The following PPP2R2C variants were observed in gnomAD, a reference collection of about 807,000 sequenced individuals.
PPP2R2C encodes protein phosphatase 2 regulatory subunit Bgamma, also known as protein phosphatase 2, regulatory subunit B, gamma.
In PPP2R2C, 10 loss-of-function variants were observed where a neutral mutation model predicts 45.3. The ratio of observed to expected loss-of-function variants is 0.22; its 90% CI spans 0.14 to 0.37. The LOEUF is 0.37. Among genes scored for constraint, PPP2R2C ranks in the 10% least tolerant of loss-of-function variants. The probability of loss-of-function intolerance (pLI) is 1.00; values close to 1 mark genes in which losing one functional copy is unlikely to be tolerated. For synonymous variants in PPP2R2C, 257 were observed against 245.4 expected, an observed-to-expected ratio of 1.05 and a Z score of -0.44; for missense variants, 308 against 619.7, an observed-to-expected ratio of 0.50 and a Z score of 5.34.
rs1369711354 is a variant in PPP2R2C, at chr4:6,323,279, C to T, written c.*23G>A. 6.4e-7 allele frequency: 1 copy of T among 1,565,956 alleles called. No homozygotes were observed. Among genetic ancestry groups the T allele is most frequent in the Non-Finnish European group, 8.7e-7 (1 of 1,148,434 alleles). On this transcript the variant is annotated 3_prime_UTR_variant, in exon 9 of 9. Coordinates refer to ENST00000382599, the MANE Select transcript of PPP2R2C (RefSeq NM_020416.4). ...GGATGACTTGCATGAGGCTGGGTGG[C>T]AGGGGCCGGGAACTGCACATACCTA...
intron 1 of PPP2R2C, among the ~76,000 whole-genome samples, chr4:6,461,219 G>A (rs981355420): frequency 2.6e-5 from 4 of 152,224 alleles, no homozygotes; most frequent in African/African-American, 9.7e-5. Flanking sequence ...TGTGGACACT[G>A]AAGCAGGGAG....
chr4:6,512,276 G>C (rs796842547), intron 2 of PPP2R2C, among the ~76,000 whole-genome samples: 11 of 18,526 alleles, frequency 5.9e-4, no homozygotes, highest in Admixed American at 2.5e-3. Flanking sequence ...GTGATGGTGG[G>C]GGTGGTGGTG....
At chr4:6,509,486 T>A (rs1205472083) in intron 2 of PPP2R2C, among the ~76,000 whole-genome samples, 7 of 149,474 alleles carry the variant, frequency 4.7e-5, no homozygotes, top group Non-Finnish European at 7.4e-5. Flanking sequence ...AAAAAAAAAA[T>A]AAATAAATAA....
intron 2 of PPP2R2C, among the ~76,000 whole-genome samples, chr4:6,529,906 C>T (rs994768573): frequency 6.6e-6 from 1 of 152,124 alleles, no homozygotes; most frequent in Non-Finnish European, 1.5e-5. Flanking sequence ...TGGGAGGGGA[C>T]AGCAGCGAAT....
intron 5 of PPP2R2C, chr4:6,350,539 A>G: frequency 1.0e-6 from 1 of 985,418 alleles, no homozygotes; most frequent in Non-Finnish European, 1.2e-6. Flanking sequence ...TGTTTGCGTC[A>G]TCAGGACACT....
At chr4:6,412,033 C>T (rs1718233397) in intron 1 of PPP2R2C, among the ~76,000 whole-genome samples, 1 of 152,186 alleles carries the variant, frequency 6.6e-6, no homozygotes, top group Non-Finnish European at 1.5e-5. Flanking sequence ...ATGAGCTCCT[C>T]AGAGCTAGTT....
chr4:6,372,748 A>G (rs929275795), intron 4 of PPP2R2C, 48 bp from the exon 5 acceptor site: 6 of 1,580,258 alleles, frequency 3.8e-6, no homozygotes, highest in Non-Finnish European at 4.3e-6. Context: ...AGGTGGTGGC[A>G]TCAGGACATA....
rs1732502323 is a variant in PPP2R2C, at chr4:6,332,675, T to G, written c.960+887A>C. ...GACACCTCCCTCATCTCCCTACCTC[T>G]CAGTGCCCGAGTTCCCTTTCCACCA... On this transcript the variant is annotated intron_variant, in intron 7 of 8. Transcript: ENST00000382599. The surrounding 1 kb of genome is among the most constrained non-coding windows in gnomAD (Gnocchi z 4.9). 6.6e-6 allele frequency among the ~76,000 whole-genome samples: 1 copy of G among 151,968 alleles called. No individual in the cohort carries two copies. Among genetic ancestry groups the G allele is most frequent in the African/African-American group, 2.4e-5 (1 of 41,356 alleles).
chr4:6,448,366 T>C (rs993954294), intron 1 of PPP2R2C, among the ~76,000 whole-genome samples: 10 of 152,060 alleles, frequency 6.6e-5, no homozygotes, highest in African/African-American at 1.4e-4. Context: ...GAGAGGGGTA[T>C]TGGAGCGGGA....
chr4:6,346,353 G>T (rs891884735), intron 6 of PPP2R2C, among the ~76,000 whole-genome samples: 3 of 152,128 alleles, frequency 2.0e-5, no homozygotes, highest in Non-Finnish European at 2.9e-5. Context: ...CCTCCTTCTC[G>T]AACATTCTTC....
At chr4:6,348,361 C>G (rs766750277) in intron 5 of PPP2R2C, among the ~76,000 whole-genome samples, 7 of 151,732 alleles carry the variant, frequency 4.6e-5, no homozygotes, top group Non-Finnish European at 8.8e-5. Context: ...CTTCCTTCCC[C>G]TGTTGGTTGC....
chr4:6,410,381 C>T (rs982302183), intron 1 of PPP2R2C, among the ~76,000 whole-genome samples: 2 of 152,134 alleles, frequency 1.3e-5, no homozygotes, highest in African/African-American at 2.4e-5. Flanking sequence ...ACCCCTGACT[C>T]GGGGGGTGGT....
intron 5 of PPP2R2C, among the ~76,000 whole-genome samples, chr4:6,354,207 C>G (rs1288272497): frequency 1.3e-5 from 2 of 151,756 alleles, no homozygotes; most frequent in African/African-American, 4.8e-5. Flanking sequence ...CTCCCCACCA[C>G]CCTGCGTGTT....
rs376619150 is a variant in PPP2R2C at position 6,477,827 on chromosome 4, C to G, written c.49+57444G>C. Among the ~76,000 whole-genome samples the G allele has an allele frequency of 2.6e-5, 4 of 152,120 alleles. No individual in the cohort carries two copies. The South Asian group carries it at 6.2e-4, about 24-fold the overall frequency. ...TCCCGACTCCCACGCCTTCACCCCC[C>G]ACAGCCTGTCCTCCTTCCAGCCCTG... is the stretch of plus-strand genomic sequence containing the variant. On this transcript the variant is annotated intron_variant, in intron 2 of 9. Coordinates refer to the PPP2R2C transcript ENST00000506140.
intron 1 of PPP2R2C, among the ~76,000 whole-genome samples, chr4:6,544,461 GCCT>G (rs1724909938): frequency 6.6e-6 from 1 of 152,124 alleles, no homozygotes; most frequent in Non-Finnish European, 1.5e-5. Context: ...TCCCAACTCA[GCCT>G]CCTGAGTAGC....
chr4:6,412,521 C>G (rs1368586281), intron 1 of PPP2R2C, among the ~76,000 whole-genome samples: 1 of 152,194 alleles, frequency 6.6e-6, no homozygotes, highest in East Asian at 1.9e-4. Flanking sequence ...AAGGAATGCC[C>G]AAGTCACACA....
chr4:6,356,948 T>C (rs1012322707), intron 5 of PPP2R2C, among the ~76,000 whole-genome samples: 8 of 149,892 alleles, frequency 5.3e-5, no homozygotes, highest in African/African-American at 2.0e-4. Flanking sequence ...CCCCCTTTCA[T>C]CTGCTGTGGC....
intron 5 of PPP2R2C, among the ~76,000 whole-genome samples, chr4:6,351,571 C>G (rs1712561312): frequency 6.6e-6 from 1 of 152,164 alleles, no homozygotes; most frequent in African/African-American, 2.4e-5. Flanking sequence ...AGGGGAATCT[C>G]TCCTGCTCTT....
At chr4:6,557,169 A>G (rs1725429341) in intron 1 of PPP2R2C, among the ~76,000 whole-genome samples, 1 of 152,204 alleles carries the variant, frequency 6.6e-6, no homozygotes, top group Non-Finnish European at 1.5e-5. Context: ...AAAGAGTAGA[A>G]ATAGTCACTT....
Sources: gnomAD v4.1 joint callset for allele counts (sites outside exome capture counted in the v4.1 genomes callset) on GRCh38, gnomAD v4.1.1 for gene constraint, Gnocchi (gnomAD v3.1) non-coding constraint, MANE v1.5 for transcripts, NCBI Gene and HGNC (gene_info 2026-07-23, HGNC 2026-07-21) for gene names.